Variants in SASH1 observed in about 807,000 individuals in gnomAD.
The protein encoded by SASH1 is SAM and SH3 domain containing 1.
A neutral mutation model predicts 125.2 loss-of-function variants in SASH1; 44 were observed. That is an observed-to-expected ratio of 0.35 (90% CI 0.28 to 0.45). The LOEUF is 0.45. Among genes scored for constraint, SASH1 ranks in the 20% least tolerant of loss-of-function variants. The pLI, the probability that SASH1 is intolerant of heterozygous loss-of-function variation, is 1.00. For synonymous variants in SASH1, 639 were observed against 649.1 expected (o/e 0.98, Z 0.24); for missense variants, 1,426 against 1,614.5 (o/e 0.88, Z 2.00).
At chr6:148,443,358 T>C (rs1776627242) in intron 4 of SASH1, among the ~76,000 whole-genome samples, 1 of 106,920 alleles carries the variant, frequency 9.4e-6, no homozygotes, top group Admixed American at 1.0e-4. Flanking sequence ...TTATTAGTGA[T>C]ATTAATTTTG....
intron 2 of SASH1, among the ~76,000 whole-genome samples, chr6:148,397,850 C>T (rs923179251): frequency 6.6e-6 from 1 of 152,108 alleles, no homozygotes; most frequent in East Asian, 1.9e-4. Flanking sequence ...TTTGCCTTTC[C>T]AGAATCACAG....
intron 1 of SASH1, among the ~76,000 whole-genome samples, chr6:148,280,932 T>G (rs777829801): frequency 2.0e-5 from 3 of 151,610 alleles, no homozygotes; most frequent in Non-Finnish European, 2.9e-5. Flanking sequence ...GAGTGTTGTT[T>G]TGTTTTGTTT....
At chr6:148,467,088 C>CTTTTTTTTTTTTTTTTTT (rs71004298) in intron 4 of SASH1, among the ~76,000 whole-genome samples, 1 of 69,938 alleles carries the variant, frequency 1.4e-5, no homozygotes, top group Non-Finnish European at 2.4e-5. Context: ...TTCCCTGTTC[C>CTTTTTTTTTTTTTTTTTT]TTTTTTTTTT....
At chr6:148,387,464 T>TCTCTTCCCTTTTC (rs1583063960) in intron 1 of SASH1, among the ~76,000 whole-genome samples, 1 of 151,340 alleles carries the variant, frequency 6.6e-6, no homozygotes, top group East Asian at 1.9e-4. Flanking sequence ...TTTCTTCTCT[T>TCTCTTCCCTTTTC]TTCTCTTCTC....
At chr6:148,257,793 G>A in the SASH1 span, among the ~76,000 whole-genome samples, 3 of 152,010 alleles carry the variant, frequency 2.0e-5, no homozygotes, top group Non-Finnish European at 4.4e-5. Context: ...ACCACGCCCA[G>A]CTAATTTTTG....
chr6:148,300,442 ATTTTTTTTTTT>A (rs34126353), intron 1 of SASH1, among the ~76,000 whole-genome samples: 1 of 108,362 alleles, frequency 9.2e-6, no homozygotes, highest in African/African-American at 3.7e-5. Context: ...CAGAAACAAG[ATTTTTTTTTTT>A]TTTTTTTTTT....
chr6:148,238,293 G>A, the SASH1 span, among the ~76,000 whole-genome samples: 1 of 151,648 alleles, frequency 6.6e-6, no homozygotes, highest in South Asian at 2.1e-4. Context: ...GCGCAATCTC[G>A]GCCCACCACA....
chr6:148,284,928 A>G (rs989139902), intron 1 of SASH1, among the ~76,000 whole-genome samples: 2 of 152,226 alleles, frequency 1.3e-5, no homozygotes, highest in African/African-American at 2.4e-5. Flanking sequence ...ATCTTTTTAA[A>G]GACAGATTTT....
At chr6:148,443,982 G>T (rs1776669002) in intron 4 of SASH1, among the ~76,000 whole-genome samples, 1 of 152,140 alleles carries the variant, frequency 6.6e-6, no homozygotes, top group Non-Finnish European at 1.5e-5. Context: ...GCGTCAGAGT[G>T]GTGTTCTGTG....
At position 148,519,881 on chromosome 6, in the gene SASH1, C is replaced by T. The variant is rs752605163; in HGVS notation, c.1197C>T (p.Ser399=). The T allele has an allele frequency of 1.3e-6, 2 of 1,570,914 alleles. No homozygotes were observed. Among genetic ancestry groups the T allele is most frequent in the South Asian group, 1.2e-5 (1 of 86,620 alleles). Residue 399 remains serine, a synonymous_variant, in exon 10 of 20, where the codon TCC becomes TCT. Transcript: ENST00000367467. The surrounding 1 kb of genome is among the most constrained non-coding windows in gnomAD (Gnocchi z 4.8). ...GGGAGATGAAGAAGGGTCTCGGGTC[C>T]CTAAGCCACGGGGTAAGTACGGATG... is the stretch of plus-strand genomic sequence containing the variant. ...TEGEMKKGLG[S]LSHGRTCSFG...
chr6:148,432,992 A>G (rs747543390), intron 2 of SASH1, among the ~76,000 whole-genome samples: 13 of 152,216 alleles, frequency 8.5e-5, no homozygotes, highest in Non-Finnish European at 1.3e-4. Flanking sequence ...AGCAGGTGAA[A>G]GCACACACAG....
chr6:148,430,416 T>G (rs1345024657), intron 2 of SASH1, among the ~76,000 whole-genome samples: 1 of 152,174 alleles, frequency 6.6e-6, no homozygotes, highest in African/African-American at 2.4e-5. Context: ...GCTGCAGCCT[T>G]CGCCTCCTGG....
At position 148,519,460 on chromosome 6, in the gene SASH1, A is replaced by T; in HGVS notation, c.863-87A>T. The T allele has an allele frequency of 1.1e-6, 1 of 948,874 alleles. No individual in the cohort carries two copies. The highest frequency in any genetic ancestry group is 1.6e-5 in the South Asian group (1 of 62,520). 58.8% of individuals were successfully genotyped at this position (948,874 alleles called of 1,614,324 possible). ...AGCTGGGTTTATAAAGAGGGTCATG[A>T]TACGGAGAAAGGTGGTGAATGTAAA... On this transcript the variant is annotated intron_variant, in intron 9 of 19. Transcript: ENST00000367467. The surrounding 1 kb of genome is among the most constrained non-coding windows in gnomAD (Gnocchi z 4.8).
chr6:148,288,972 A>G (rs1779555223), intron 1 of SASH1, among the ~76,000 whole-genome samples: 1 of 151,980 alleles, frequency 6.6e-6, no homozygotes, highest in Non-Finnish European at 1.5e-5. Context: ...AATTTAGGGC[A>G]TGCCTGTGCC....
the SASH1 span, among the ~76,000 whole-genome samples, chr6:148,195,269 C>G: frequency 6.6e-6 from 1 of 152,128 alleles, no homozygotes; most frequent in East Asian, 1.9e-4. Flanking sequence ...TCTGCATGTC[C>G]TCCAGGCAGA....
chr6:148,383,183 T>G (rs1390507937), intron 1 of SASH1, among the ~76,000 whole-genome samples: 1 of 152,182 alleles, frequency 6.6e-6, no homozygotes, highest in African/African-American at 2.4e-5. Context: ...TTGTAGCAAT[T>G]TCACCTGAAA....
At chr6:148,443,102 A>G (rs1776614355) in intron 4 of SASH1, among the ~76,000 whole-genome samples, 1 of 148,888 alleles carries the variant, frequency 6.7e-6, no homozygotes, top group South Asian at 2.2e-4. Context: ...TGTCCCAATA[A>G]TGTCTCTTTT....
intron 1 of SASH1, among the ~76,000 whole-genome samples, chr6:148,290,220 T>G (rs929962686): frequency 3.3e-5 from 5 of 151,870 alleles, no homozygotes; most frequent in Admixed American, 6.6e-5. Context: ...TCTCGGTGAT[T>G]ACAACCAACA....
intron 1 of SASH1, among the ~76,000 whole-genome samples, chr6:148,311,233 A>G (rs971746815): frequency 2.6e-5 from 4 of 151,828 alleles, no homozygotes; most frequent in African/African-American, 9.7e-5. Context: ...CAGCCTCCCA[A>G]GTAGCTGGGA....
Sources: gnomAD v4.1 joint callset for allele counts (sites outside exome capture counted in the v4.1 genomes callset) on GRCh38, gnomAD v4.1.1 for gene constraint, Gnocchi (gnomAD v3.1) non-coding constraint, MANE v1.5 for transcripts, NCBI Gene and HGNC (gene_info 2026-07-23, HGNC 2026-07-21) for gene names.